Variants in CCDC171 observed in about 807,000 individuals in gnomAD.
CCDC171 encodes coiled-coil domain containing 171.
CCDC171 carries 177 observed loss-of-function variants against 168.2 expected under a neutral mutation model. The ratio of observed to expected loss-of-function variants is 1.05; its 90% CI spans 0.93 to 1.19. The LOEUF (loss-of-function observed/expected upper bound fraction) is 1.19. CCDC171 is among the 50% of genes most tolerant of loss of function. The pLI is 0.00. For synonymous variants in CCDC171, 687 were observed against 540.8 expected, an observed-to-expected ratio of 1.27 and a Z score of -3.75; for missense variants, 1,991 against 1,539.0, an observed-to-expected ratio of 1.29 and a Z score of -4.91.
intron 25 of CCDC171, among the ~76,000 whole-genome samples, chr9:15,949,095 C>T (rs1423322285): frequency 6.6e-6 from 1 of 152,040 alleles, no homozygotes; most frequent in Non-Finnish European, 1.5e-5. Flanking sequence ...TTCCCCATTG[C>T]TTGTTTTTCT....
At chr9:15,814,035 C>A (rs1277778028) in intron 21 of CCDC171, among the ~76,000 whole-genome samples, 1 of 152,188 alleles carries the variant, frequency 6.6e-6, no homozygotes, top group Admixed American at 6.5e-5. Context: ...CCCCTTGACA[C>A]TTGTGTGGTT....
chr9:15,937,262 G>A (rs1173959235), intron 25 of CCDC171, among the ~76,000 whole-genome samples: 6 of 151,868 alleles, frequency 4.0e-5, no homozygotes, highest in African/African-American at 1.5e-4. Flanking sequence ...TGTTGTGTTT[G>A]AAACTTCCTT....
chr9:15,803,804 A>T (rs1162263670), intron 21 of CCDC171, among the ~76,000 whole-genome samples: 1 of 152,082 alleles, frequency 6.6e-6, no homozygotes. Flanking sequence ...TCTGTGAAGA[A>T]TGTCAACGAT....
At chr9:15,809,671 T>C (rs572552946) in intron 21 of CCDC171, among the ~76,000 whole-genome samples, 1 of 152,192 alleles carries the variant, frequency 6.6e-6, no homozygotes. Context: ...ATGGTCTCAC[T>C]GGCCTCAGGA....
chr9:15,866,949 T>A (rs908082628), intron 23 of CCDC171, among the ~76,000 whole-genome samples: 8 of 152,020 alleles, frequency 5.3e-5, no homozygotes, highest in African/African-American at 1.9e-4. Context: ...ACATAAGCCA[T>A]CTCTAGATTC....
At chr9:15,646,194 T>A (rs993535985) in intron 7 of CCDC171, among the ~76,000 whole-genome samples, 1 of 152,140 alleles carries the variant, frequency 6.6e-6, no homozygotes, top group African/African-American at 2.4e-5. Context: ...GACAAGCAAA[T>A]GCTGAGAGAT....
At chr9:15,576,720 G>C (rs749873345) in intron 3 of CCDC171, among the ~76,000 whole-genome samples, 1 of 152,298 alleles carries the variant, frequency 6.6e-6, no homozygotes, top group East Asian at 1.9e-4. Context: ...TATCCACGTC[G>C]ATCTTGTACA....
chr9:15,912,488 C>T (rs1823829167), intron 24 of CCDC171, among the ~76,000 whole-genome samples: 1 of 152,142 alleles, frequency 6.6e-6, no homozygotes, highest in South Asian at 2.1e-4. Context: ...GTCATGTCAT[C>T]TGCAAACAGA....
chr9:15,824,971 T>A (rs1215247134), intron 21 of CCDC171, among the ~76,000 whole-genome samples: 3 of 152,098 alleles, frequency 2.0e-5, no homozygotes, highest in Non-Finnish European at 4.4e-5. Flanking sequence ...ATGCATTTAT[T>A]TTACCTAGAG....
At chr9:15,991,329 A>G (rs1351879413) in intron 3 of CCDC171, among the ~76,000 whole-genome samples, 2 of 151,960 alleles carry the variant, frequency 1.3e-5, no homozygotes, top group East Asian at 1.9e-4. Flanking sequence ...CTGAATGACT[A>G]CTGGGTACAT....
the CCDC171 span, among the ~76,000 whole-genome samples, chr9:16,095,606 G>A: frequency 6.6e-6 from 1 of 151,724 alleles, no homozygotes. Flanking sequence ...TGAGTTATTA[G>A]GATAGTTATT....
intron 6 of CCDC171, among the ~76,000 whole-genome samples, chr9:15,599,166 T>G (rs2042628442): frequency 1.3e-5 from 2 of 152,206 alleles, no homozygotes; most frequent in African/African-American, 4.8e-5. Flanking sequence ...TTAACGTTGT[T>G]ATGTGTGAAT....
chr9:15,934,726 T>A (rs754350663), intron 25 of CCDC171, among the ~76,000 whole-genome samples: 3 of 152,026 alleles, frequency 2.0e-5, no homozygotes, highest in Non-Finnish European at 2.9e-5. Context: ...GCAGCACTAT[T>A]TACAAAGCCA....
intron 7 of CCDC171, among the ~76,000 whole-genome samples, chr9:15,652,529 C>T (rs918777662): frequency 6.6e-6 from 1 of 151,836 alleles, no homozygotes. Context: ...CTCCCAGGCT[C>T]AAGCCATTCT....
rs751030775 is a variant in CCDC171 at position 15,777,843 on chromosome 9, AT to A, written c.2898+20del. Reference sequence around the variant, plus strand: ...CCCATTACGGTATGTATACACTTTCATTTAGTAGTAACCTAAGAACTTGTAG... The same window carrying A: ...CCCATTACGGTATGTATACACTTTCATTAGTAGTAACCTAAGAACTTGTAG... On this transcript the variant is annotated intron_variant, in intron 19 of 25. Coordinates refer to ENST00000380701, the MANE Select transcript of CCDC171 (RefSeq NM_173550.4). The A allele has an allele frequency of 8.6e-6, 13 of 1,507,836 alleles. No homozygotes were observed. The African/African-American group carries it at 1.1e-4, about 13-fold the overall frequency. 93.4% of individuals were successfully genotyped at this position (1,507,836 alleles called of 1,614,324 possible). A position where few individuals can be genotyped will look rare whatever the true frequency, so the allele number is the denominator to read the frequency against.
chr9:15,988,459 CG>C (rs1239049494), intron 3 of CCDC171, among the ~76,000 whole-genome samples: 2 of 152,088 alleles, frequency 1.3e-5, no homozygotes, highest in Non-Finnish European at 2.9e-5. Context: ...CCAAGATGGC[CG>C]AATAGGAACA....
intron 18 of CCDC171, among the ~76,000 whole-genome samples, chr9:15,775,349 CTTAT>C (rs1007932973): frequency 2.6e-5 from 4 of 152,072 alleles, no homozygotes; most frequent in African/African-American, 9.7e-5. Context: ...AGTAAAAAAC[CTTAT>C]TTGTTTGTTT....
chr9:15,621,084 G>C (rs1346310494), intron 6 of CCDC171, among the ~76,000 whole-genome samples: 1 of 152,106 alleles, frequency 6.6e-6, no homozygotes, highest in Non-Finnish European at 1.5e-5. Context: ...TCCTGCCTCA[G>C]CCTCCCATAG....
chr9:15,679,157 GTTTT>G (rs960389363), intron 10 of CCDC171, among the ~76,000 whole-genome samples: 1 of 148,378 alleles, frequency 6.7e-6, no homozygotes, highest in East Asian at 2.0e-4. Context: ...GTATTCAAAT[GTTTT>G]TTTTTTATCG....
Sources: gnomAD v4.1 joint callset for allele counts (sites outside exome capture counted in the v4.1 genomes callset) on GRCh38, gnomAD v4.1.1 for gene constraint, MANE v1.5 for transcripts, NCBI Gene and HGNC (gene_info 2026-07-23, HGNC 2026-07-21) for gene names.